GRIK3: variants seen among roughly 807,000 people sequenced by gnomAD.
The protein encoded by GRIK3 is glutamate receptor ionotropic, kainate 3.
GRIK3 carries 29 observed loss-of-function variants against 102.5 expected under a neutral mutation model. That is an observed-to-expected ratio of 0.28 (90% CI 0.21 to 0.39). The LOEUF (loss-of-function observed/expected upper bound fraction) is 0.39. Among genes scored for constraint, GRIK3 ranks in the 10% least tolerant of loss-of-function variants. The probability of loss-of-function intolerance (pLI) is 1.00; values close to 1 mark genes in which losing one functional copy is unlikely to be tolerated. For missense variants in GRIK3, 908 were observed against 1,252.4 expected, an observed-to-expected ratio of 0.73 and a Z score of 4.15; for synonymous variants, 511 against 504.9, an observed-to-expected ratio of 1.01 and a Z score of -0.16.
intron 1 of GRIK3, among the ~76,000 whole-genome samples, chr1:36,963,740 C>T (rs1342557888): frequency 6.6e-6 from 1 of 152,160 alleles, no homozygotes; most frequent in Non-Finnish European, 1.5e-5. Flanking sequence ...CTTTAGGAAA[C>T]AATCCCCAGT....
chr1:36,953,524 G>T (rs993504468), intron 1 of GRIK3, among the ~76,000 whole-genome samples: 1 of 152,096 alleles, frequency 6.6e-6, no homozygotes, highest in African/African-American at 2.4e-5. Flanking sequence ...TAGGGCATAC[G>T]TAAGGAGAAG....
At chr1:36,988,390 C>T (rs149166464) in intron 1 of GRIK3, among the ~76,000 whole-genome samples, 5 of 152,386 alleles carry the variant, frequency 3.3e-5, no homozygotes, top group Non-Finnish European at 5.9e-5. Flanking sequence ...AATGCTGCAG[C>T]CAGCACTTGC....
intron 13 of GRIK3, among the ~76,000 whole-genome samples, chr1:36,812,693 C>T (rs1464116673): frequency 6.6e-6 from 1 of 152,094 alleles, no homozygotes; most frequent in African/African-American, 2.4e-5. Context: ...CCCGAGAGCC[C>T]AGCATCCCGC....
At chr1:36,809,955 C>T (rs963943810) in intron 13 of GRIK3, among the ~76,000 whole-genome samples, 12 of 152,156 alleles carry the variant, frequency 7.9e-5, no homozygotes, top group Admixed American at 3.3e-4. Context: ...ACCTCCATCA[C>T]CTTCAGGTAG....
chr1:36,809,631 A>G (rs963892355), intron 13 of GRIK3, among the ~76,000 whole-genome samples: 1 of 152,148 alleles, frequency 6.6e-6, no homozygotes, highest in African/African-American at 2.4e-5. Flanking sequence ...CCACACCCCA[A>G]CACTTTATTC....
At chr1:36,865,657 G>A (rs1055601370) in intron 5 of GRIK3, among the ~76,000 whole-genome samples, 2 of 152,198 alleles carry the variant, frequency 1.3e-5, no homozygotes, top group Admixed American at 6.5e-5. Flanking sequence ...CTCCCTGGAA[G>A]GGTCCATTCT....
intron 1 of GRIK3, among the ~76,000 whole-genome samples, chr1:36,925,322 C>T (rs552440804): frequency 5.3e-5 from 8 of 152,226 alleles, no homozygotes; most frequent in East Asian, 1.9e-4. Flanking sequence ...CAGCATACTC[C>T]GTGCACATCC....
At chr1:36,950,392 T>A (rs932934901) in intron 1 of GRIK3, among the ~76,000 whole-genome samples, 13 of 152,340 alleles carry the variant, frequency 8.5e-5, no homozygotes, top group African/African-American at 2.9e-4. Flanking sequence ...CTTTCCAGGC[T>A]TTTCTCCATT....
intron 3 of GRIK3, among the ~76,000 whole-genome samples, chr1:36,876,370 T>A (rs943220195): frequency 5.9e-5 from 9 of 152,000 alleles, no homozygotes; most frequent in Admixed American, 5.9e-4. Context: ...AATAAAAAAA[T>A]AATGAAGAAG....
At chr1:36,833,299 C>A (rs528460478) in intron 10 of GRIK3, among the ~76,000 whole-genome samples, 43 of 152,312 alleles carry the variant, frequency 2.8e-4, no homozygotes, top group Non-Finnish European at 4.4e-4. Flanking sequence ...TGCTTGTGCC[C>A]TGGCCCCGGA....
intron 1 of GRIK3, among the ~76,000 whole-genome samples, chr1:36,934,724 A>G (rs1415856802): frequency 6.6e-6 from 1 of 152,320 alleles, no homozygotes; most frequent in East Asian, 1.9e-4. Context: ...GCCAGACACA[A>G]TGGAAACACA....
chr1:36,814,320 C>T (rs1262000484), intron 13 of GRIK3, among the ~76,000 whole-genome samples: 2 of 152,100 alleles, frequency 1.3e-5, no homozygotes, highest in Admixed American at 6.5e-5. Flanking sequence ...TGGGTTCATG[C>T]GTTATGCATG....
intron 1 of GRIK3, among the ~76,000 whole-genome samples, chr1:37,005,803 A>G (rs1480712634): frequency 6.6e-6 from 1 of 152,160 alleles, no homozygotes; most frequent in East Asian, 1.9e-4. Context: ...AGCTGACAAA[A>G]TCCTCTGTCC....
At position 36,859,838 on chromosome 1, in the gene GRIK3, C is replaced by T. The variant is rs752272074; in HGVS notation, c.960+6G>A. 3 of 1,611,932 alleles carry T rather than the reference C, an allele frequency of 1.9e-6. No homozygotes were observed. The highest frequency in any genetic ancestry group is 4.5e-5 in the East Asian group (2 of 44,864). On this transcript the variant is annotated splice_donor_region_variant and intron_variant, in intron 6 of 15. Coordinates refer to ENST00000373091, the MANE Select transcript of GRIK3 (RefSeq NM_000831.4). ...CCCTGGAATTCACCTCACCCAGCCG[C>T]CTTACCATCATCACTCCATCCAGCA...
chr1:36,898,174 A>G (rs1332266069), intron 1 of GRIK3, among the ~76,000 whole-genome samples: 2 of 152,094 alleles, frequency 1.3e-5, no homozygotes, highest in African/African-American at 4.8e-5. Flanking sequence ...CTTAATAGGT[A>G]CAAAATAGAT....
chr1:36,860,550 C>T lies in GRIK3; in HGVS notation c.787-533G>A, dbSNP rs577559832. Among the ~76,000 whole-genome samples the T allele has an allele frequency of 2.0e-4, 30 of 152,314 alleles. 1 individual carries two copies. The highest frequency in any genetic ancestry group is 1.8e-3 in the Admixed American group (27 of 15,310). ...CCAGCCAGGACCTCCTCATCCCTTGCCTCCTAGGAGCAGCTGAGCAGCGGT... is the reference window on the plus strand; with the variant it reads ...CCAGCCAGGACCTCCTCATCCCTTGTCTCCTAGGAGCAGCTGAGCAGCGGT... On this transcript the variant is annotated intron_variant, in intron 5 of 15. Transcript: ENST00000373091.
intron 1 of GRIK3, among the ~76,000 whole-genome samples, chr1:36,944,915 T>C (rs2124328801): frequency 6.6e-6 from 1 of 152,334 alleles, no homozygotes; most frequent in South Asian, 2.1e-4. Flanking sequence ...CTTTATATTA[T>C]GGTCTCTAGC....
chr1:36,940,278 C>T (rs541961797), intron 1 of GRIK3, among the ~76,000 whole-genome samples: 2 of 152,330 alleles, frequency 1.3e-5, no homozygotes, highest in Admixed American at 1.3e-4. Context: ...CCCTGGTAGC[C>T]CCACAGAGGC....
intron 1 of GRIK3, among the ~76,000 whole-genome samples, chr1:36,970,214 C>G (rs1301995409): frequency 6.6e-6 from 1 of 150,538 alleles, no homozygotes; most frequent in Non-Finnish European, 1.5e-5. Context: ...AAAGACCACT[C>G]TCTGCTACGA....
Sources: allele counts gnomAD v4.1 joint callset (sites outside exome capture counted in the v4.1 genomes callset), GRCh38; gene constraint gnomAD v4.1.1; transcripts MANE v1.5; gene names NCBI Gene and HGNC (gene_info 2026-07-23, HGNC 2026-07-21).